VAV2: variants seen among roughly 807,000 people sequenced by gnomAD.
VAV2 encodes the protein guanine nucleotide exchange factor VAV2.
Under a neutral mutation model 132.5 loss-of-function variants are expected in VAV2, and 67 were observed. That is an observed-to-expected ratio of 0.51 (90% CI 0.42 to 0.62). The LOEUF (loss-of-function observed/expected upper bound fraction) is 0.62. VAV2 is among the 20% of genes least tolerant of loss of function. VAV2 has a pLI of 0.00. For synonymous variants in VAV2, 492 were observed against 443.5 expected (o/e 1.11, Z -1.37); for missense variants, 938 against 1,153.6 (o/e 0.81, Z 2.71).
rs1368091676 is a variant in VAV2 at position 133,823,979 on chromosome 9, T to C, written c.449+10293A>G. Among the ~76,000 whole-genome samples, 1 of 151,488 alleles carries C rather than the reference T, an allele frequency of 6.6e-6. No homozygotes were observed. Among genetic ancestry groups the C allele is most frequent in the Non-Finnish European group, 1.5e-5 (1 of 67,836 alleles). On this transcript the variant is annotated intron_variant, in intron 4 of 29. Transcript: ENST00000371850. This position sits in a 1 kb window ranked among gnomAD's most constrained non-coding sequence, Gnocchi z 5.5. ...AAGGAACAAACGGCCTCTCCCTCAG[T>C]GGTGGGGGTGGGGGAGCAGGGTTTC...
intron 2 of VAV2, among the ~76,000 whole-genome samples, chr9:133,866,425 C>A (rs1399967320): frequency 6.6e-6 from 1 of 152,158 alleles, no homozygotes; most frequent in East Asian, 1.9e-4. Flanking sequence ...GTCAAATCAC[C>A]ATGAGCCTGC....
At chr9:133,816,560 C>T (rs755396856) in intron 4 of VAV2, among the ~76,000 whole-genome samples, 1 of 152,206 alleles carries the variant, frequency 6.6e-6, no homozygotes, top group Non-Finnish European at 1.5e-5. Context: ...TGTTCCAGAA[C>T]AATTTCTCAA....
intron 1 of VAV2, among the ~76,000 whole-genome samples, chr9:133,943,930 T>C (rs2789852): frequency 0.73 from 111,804 of 152,186 alleles, 41,199 homozygotes; most frequent in East Asian, 0.81. Context: ...CCTCCCCAGG[T>C]TCAGCTGCAC....
chr9:133,964,060 C>CATATATATATATAT (rs1266693883), intron 1 of VAV2, among the ~76,000 whole-genome samples: 3 of 109,800 alleles, frequency 2.7e-5, no homozygotes, highest in East Asian at 2.4e-4. Flanking sequence ...CATATATATA[C>CATATATATATATAT]ATATATATAA....
In VAV2 at chr9:133,787,011, C is replaced by T. The variant is rs538215050; in HGVS notation, c.1422+235G>A. ...ACCAAGAAACCCCAGCCTCTGACCC[C>T]GAGCTCCAGGGACTGAGGATCACGG... On this transcript the variant is annotated intron_variant, in intron 16 of 29. Transcript: ENST00000371850. 6.6e-5 allele frequency among the ~76,000 whole-genome samples: 10 copies of T among 152,288 alleles called. No homozygotes were observed. The South Asian group carries it at 1.5e-3, about 22-fold the overall frequency.
chr9:133,796,535 G>C lies in VAV2; in HGVS notation c.937-11C>G. On this transcript the variant is annotated splice_polypyrimidine_tract_variant and intron_variant, in intron 10 of 29. Coordinates refer to ENST00000371850, the MANE Select transcript of VAV2 (RefSeq NM_001134398.2). Reference sequence around the variant, plus strand: ...CTTCAGTGTGCACTCCTGGGAGGGCGACAGGGCGATGGGAGAGCCCTCCCC... The same window carrying C: ...CTTCAGTGTGCACTCCTGGGAGGGCCACAGGGCGATGGGAGAGCCCTCCCC... 1 of 1,610,550 alleles carries C rather than the reference G, an allele frequency of 6.2e-7. No individual in the cohort carries two copies. Among genetic ancestry groups the C allele is most frequent in the Non-Finnish European group, 8.5e-7 (1 of 1,178,318 alleles).
intron 1 of VAV2, among the ~76,000 whole-genome samples, chr9:133,982,919 C>T (rs1025424708): frequency 3.9e-5 from 6 of 152,214 alleles, no homozygotes; most frequent in African/African-American, 1.4e-4. Flanking sequence ...TGTCGTGCTG[C>T]AAGGGGAGAG....
rs1243692874 is a variant in VAV2, at chr9:133,884,497, G to A, written c.322-23065C>T. 1.3e-5 allele frequency among the ~76,000 whole-genome samples: 2 copies of A among 152,070 alleles called. No individual in the cohort carries two copies. The highest frequency in any genetic ancestry group is 2.4e-5 in the African/African-American group (1 of 41,412). ...GCCTGGGGGGCGTGGTGGGGACTCCGCAAGCACTCAACAGATGCTGGCCCA... is the reference window on the plus strand; with the variant it reads ...GCCTGGGGGGCGTGGTGGGGACTCCACAAGCACTCAACAGATGCTGGCCCA... On this transcript the variant is annotated intron_variant, in intron 2 of 29. Transcript: ENST00000371850. The surrounding 1 kb of genome is among the most constrained non-coding windows in gnomAD (Gnocchi z 5.3).
intron 4 of VAV2, among the ~76,000 whole-genome samples, chr9:133,825,940 C>T (rs541533113): frequency 4.6e-5 from 7 of 152,358 alleles, no homozygotes; most frequent in African/African-American, 1.7e-4. Flanking sequence ...ATGATGCTAA[C>T]ATGACACATT....
intron 4 of VAV2, among the ~76,000 whole-genome samples, chr9:133,825,418 G>A (rs1835947795): frequency 6.6e-6 from 1 of 152,102 alleles, no homozygotes; most frequent in African/African-American, 2.4e-5. Flanking sequence ...GCCGGGGGCT[G>A]TCTAACAGGG....
chr9:133,960,639 A>G (rs142638765), intron 1 of VAV2, among the ~76,000 whole-genome samples: 19 of 152,256 alleles, frequency 1.2e-4, no homozygotes, highest in Non-Finnish European at 2.6e-4. Flanking sequence ...ACTAGGAGTC[A>G]GTGAACGCCC....
intron 19 of VAV2, 43 bp from the exon 20 acceptor site, chr9:133,780,753 C>A (rs368199265): frequency 1.6e-6 from 2 of 1,261,994 alleles, no homozygotes; most frequent in Admixed American, 8.4e-5. Context: ...AGGCCACCGA[C>A]GCCAAGGCCC....
At chr9:133,877,942 C>T (rs927688636) in intron 2 of VAV2, among the ~76,000 whole-genome samples, 3 of 152,224 alleles carry the variant, frequency 2.0e-5, no homozygotes, top group East Asian at 1.9e-4. Flanking sequence ...TCCTCTGCGA[C>T]GTCAACTCCA....
At chr9:133,976,668 G>A (rs1842522818) in intron 1 of VAV2, among the ~76,000 whole-genome samples, 1 of 152,224 alleles carries the variant, frequency 6.6e-6, no homozygotes, top group Non-Finnish European at 1.5e-5. Flanking sequence ...TCTCCCGGCA[G>A]CTACGCATCT....
rs1343789829 is a variant in VAV2, at chr9:133,824,601, C to A, written c.449+9671G>T. Among the ~76,000 whole-genome samples, 1 of 152,146 alleles carries A rather than the reference C, an allele frequency of 6.6e-6. No homozygotes were observed. Among genetic ancestry groups the A allele is most frequent in the African/African-American group, 2.4e-5 (1 of 41,428 alleles). Reference sequence around the variant, plus strand: ...TCCTGCCCTCCTGGCTTGTCAGGGTCTGCCCCCAGAGGCTGCTGCCTGGAC... The same window carrying A: ...TCCTGCCCTCCTGGCTTGTCAGGGTATGCCCCCAGAGGCTGCTGCCTGGAC... On this transcript the variant is annotated intron_variant, in intron 4 of 29. Transcript: ENST00000371850. This position sits in a 1 kb window ranked among gnomAD's most constrained non-coding sequence, Gnocchi z 5.2.
intron 2 of VAV2, among the ~76,000 whole-genome samples, chr9:133,869,703 C>T (rs1481052716): frequency 6.6e-6 from 1 of 152,200 alleles, no homozygotes; most frequent in Non-Finnish European, 1.5e-5. Context: ...CTCTCAGAGG[C>T]TCTGCCGATC....
At chr9:133,865,595 G>A (rs1255192131) in intron 2 of VAV2, among the ~76,000 whole-genome samples, 2 of 151,124 alleles carry the variant, frequency 1.3e-5, no homozygotes, top group Non-Finnish European at 2.9e-5. Flanking sequence ...TTTTTGTCTT[G>A]CTTGTTTGCT....
At chr9:133,895,051 G>A (rs1443838195) in intron 2 of VAV2, among the ~76,000 whole-genome samples, 1 of 152,088 alleles carries the variant, frequency 6.6e-6, no homozygotes, top group Admixed American at 6.5e-5. Flanking sequence ...GTGTGGGAGA[G>A]GGCGGCAAGA....
At chr9:133,956,222 A>C (rs940340699) in intron 1 of VAV2, among the ~76,000 whole-genome samples, 1 of 152,048 alleles carries the variant, frequency 6.6e-6, no homozygotes, top group African/African-American at 2.4e-5. Context: ...TGACAATTAA[A>C]AACAGGTCTG....
Sources: allele counts gnomAD v4.1 joint callset (sites outside exome capture counted in the v4.1 genomes callset), GRCh38; gene constraint gnomAD v4.1.1; non-coding constraint Gnocchi (gnomAD v3.1); transcripts MANE v1.5; gene names NCBI Gene and HGNC (gene_info 2026-07-23, HGNC 2026-07-21).